The following ALMS1 variants were observed in gnomAD, a reference collection of about 807,000 sequenced individuals.
ALMS1 encodes the protein ALMS1 centrosome and basal body associated protein, also known as centrosome-associated protein ALMS1.
A neutral mutation model predicts 352.2 loss-of-function variants in ALMS1; 271 were observed. The observed-to-expected ratio is 0.77, with a 90% CI of 0.70 to 0.85. ALMS1 has a LOEUF of 0.85. ALMS1 is among the 40% of genes least tolerant of loss of function. ALMS1 has a pLI of 0.00. For synonymous variants in ALMS1, 1,865 were observed against 1,761.2 expected, an observed-to-expected ratio of 1.06 and a Z score of -1.48; for missense variants, 5,445 against 4,870.7, an observed-to-expected ratio of 1.12 and a Z score of -3.51.
chr2:73,442,061 A>C (rs1218587696), intron 7 of ALMS1, among the ~76,000 whole-genome samples: 1 of 152,122 alleles, frequency 6.6e-6, no homozygotes, highest in East Asian at 1.9e-4. Flanking sequence ...TGAACTATTA[A>C]TAATAGCTGA....
At chr2:73,406,637 G>C (rs1015541777) in intron 1 of ALMS1, among the ~76,000 whole-genome samples, 1 of 152,136 alleles carries the variant, frequency 6.6e-6, no homozygotes, top group African/African-American at 2.4e-5. Context: ...ATAACAACCT[G>C]TTTAAACTAG....
intron 9 of ALMS1, among the ~76,000 whole-genome samples, chr2:73,489,087 A>G (rs1672919279): frequency 6.6e-6 from 1 of 152,180 alleles, no homozygotes; most frequent in African/African-American, 2.4e-5. Flanking sequence ...ATGACTTCCA[A>G]GGTTGTTCCA....
chr2:73,574,466 CAT>C (rs1485686037), intron 16 of ALMS1, among the ~76,000 whole-genome samples: 1 of 152,020 alleles, frequency 6.6e-6, no homozygotes, highest in Non-Finnish European at 1.5e-5. Flanking sequence ...AGTGACATAA[CAT>C]ATAAATAAAT....
intron 10 of ALMS1, among the ~76,000 whole-genome samples, chr2:73,505,594 A>C (rs536097956): frequency 6.6e-6 from 1 of 151,650 alleles, no homozygotes; most frequent in South Asian, 2.1e-4. Flanking sequence ...ACATTTGTTT[A>C]AGTTCCTTGT....
intron 11 of ALMS1, among the ~76,000 whole-genome samples, chr2:73,529,043 T>G (rs1011090675): frequency 6.9e-6 from 1 of 144,238 alleles, no homozygotes; most frequent in Non-Finnish European, 1.5e-5. Flanking sequence ...AAAGCAGTTT[T>G]TTTTTTTTTT....
Position 73,408,670 on chromosome 2 carries a change from A to C in ALMS1, c.373A>C (p.Asn125His). 6.2e-7 allele frequency: 1 copy of C among 1,613,682 alleles called. No individual in the cohort carries two copies. Among genetic ancestry groups the C allele is most frequent in the Non-Finnish European group, 8.5e-7 (1 of 1,179,748 alleles). Residue 125 changes from asparagine to histidine, a missense_variant, in exon 2 of 23, where the codon AAT becomes CAT. Physicochemically the swap from Asn to His is moderately conservative, Grantham distance 68. Transcript: ENST00000613296. ...ATGGCAACAGATAGTATATCAAGGC[A>C]ATAGTAGAACACAAATTTCTGATAC... ...HVWQQIVYQG[N>H]SRTQISDTNV... is the part of the protein sequence containing the mutation.
rs769455651 is a variant in ALMS1, at chr2:73,491,001, C to T, written c.9042C>T (p.Ala3014=). The change falls in exon 10 of 23, where the codon GCC becomes GCT. Residue 3014 remains alanine, a synonymous_variant. Coordinates refer to ENST00000613296, the MANE Select transcript of ALMS1 (RefSeq NM_001378454.1). Reference sequence around the variant, plus strand: ...ACATTTCTAATATAAATGTTGAAGCCAAGTTCAATACTGTGGTCTCCCAGT... The same window carrying T: ...ACATTTCTAATATAAATGTTGAAGCTAAGTTCAATACTGTGGTCTCCCAGT... ...KSHISNINVE[A]KFNTVVSQSA... The T allele has an allele frequency of 6.2e-7, 1 of 1,614,122 alleles. No homozygotes were observed. Among genetic ancestry groups the T allele is most frequent in the Non-Finnish European group, 8.5e-7 (1 of 1,180,018 alleles).
chr2:73,569,570 C>T (rs989069102), intron 15 of ALMS1, among the ~76,000 whole-genome samples: 6 of 152,120 alleles, frequency 3.9e-5, no homozygotes, highest in Admixed American at 3.3e-4. Flanking sequence ...GGTATACTGG[C>T]TCTTCATTTC....
chr2:73,412,257 C>T (rs1316975115), intron 2 of ALMS1, among the ~76,000 whole-genome samples: 3 of 152,198 alleles, frequency 2.0e-5, no homozygotes, highest in African/African-American at 4.8e-5. Context: ...TCAGTCACTT[C>T]CCCAACTCCT....
chr2:73,575,565 G>A (rs11900562), intron 16 of ALMS1, among the ~76,000 whole-genome samples: 10,532 of 152,154 alleles, frequency 0.069, 877 homozygotes, highest in African/African-American at 0.19. Flanking sequence ...CATTTCCCTA[G>A]TGATTATTCA....
At chr2:73,483,021 C>T (rs1424308107) in intron 9 of ALMS1, among the ~76,000 whole-genome samples, 2 of 152,182 alleles carry the variant, frequency 1.3e-5, no homozygotes, top group Non-Finnish European at 2.9e-5. Context: ...TTCAAAAAAC[C>T]AGCTCCTGGA....
intron 9 of ALMS1, among the ~76,000 whole-genome samples, chr2:73,467,644 A>G (rs1210054766): frequency 3.3e-5 from 5 of 152,090 alleles, no homozygotes; most frequent in Non-Finnish European, 5.9e-5. Context: ...TCAGTAGAAG[A>G]CATGGTCAAT....
chr2:73,435,128 T>G (rs1421837752), intron 7 of ALMS1, among the ~76,000 whole-genome samples: 1 of 152,214 alleles, frequency 6.6e-6, no homozygotes, highest in African/African-American at 2.4e-5. Context: ...CCTATTTGTA[T>G]TATCAAAAAT....
intron 6 of ALMS1, among the ~76,000 whole-genome samples, chr2:73,431,444 A>T (rs1671497655): frequency 6.6e-6 from 1 of 152,200 alleles, no homozygotes. Context: ...AATAAAGACA[A>T]TCTAAAAATG....
chr2:73,486,655 A>G (rs745525959), intron 9 of ALMS1, among the ~76,000 whole-genome samples: 1 of 152,240 alleles, frequency 6.6e-6, no homozygotes, highest in Admixed American at 6.5e-5. Context: ...CTAGATCTCT[A>G]GCTAATCTAC....
chr2:73,440,252 G>A (rs558115894), intron 7 of ALMS1, among the ~76,000 whole-genome samples: 10 of 152,040 alleles, frequency 6.6e-5, no homozygotes, highest in Non-Finnish European at 7.4e-5. Context: ...CAAAGTGCTC[G>A]TATTACAGGC....
At chr2:73,411,675 C>T (rs1671080502) in intron 2 of ALMS1, among the ~76,000 whole-genome samples, 1 of 152,192 alleles carries the variant, frequency 6.6e-6, no homozygotes, top group African/African-American at 2.4e-5. Context: ...TTTCGTCGTT[C>T]ATCTTTGTTA....
intron 2 of ALMS1, among the ~76,000 whole-genome samples, chr2:73,415,992 A>AAGTGATC (rs1376099794): frequency 6.6e-6 from 1 of 152,194 alleles, no homozygotes; most frequent in African/African-American, 2.4e-5. Flanking sequence ...ACTAGAGAGT[A>AAGTGATC]AGTGATCTGT....
rs757358318 is a variant in ALMS1 at position 73,455,111 on chromosome 2, C to A, written c.7541-51C>A. The A allele has an allele frequency of 6.2e-6, 10 of 1,601,840 alleles. No individual in the cohort carries two copies. In the East Asian group the frequency reaches 1.8e-4, roughly 29 times the overall value. On this transcript the variant is annotated intron_variant, in intron 8 of 22. Transcript: ENST00000613296. Reference sequence around the variant, plus strand: ...TGATCTTCTGTGTTGCAATTGTTGACAAATTATCACTTTTGCATTGTATTA... The same window carrying A: ...TGATCTTCTGTGTTGCAATTGTTGAAAAATTATCACTTTTGCATTGTATTA...
Sources: gnomAD v4.1 joint callset for allele counts (sites outside exome capture counted in the v4.1 genomes callset) on GRCh38, gnomAD v4.1.1 for gene constraint, MANE v1.5 for transcripts, NCBI Gene and HGNC (gene_info 2026-07-23, HGNC 2026-07-21) for gene names.